AGBL1: variants seen among roughly 807,000 people sequenced by gnomAD.
AGBL1 encodes cytosolic carboxypeptidase 4.
Under a neutral mutation model 118.9 loss-of-function variants are expected in AGBL1, and 130 were observed. The observed-to-expected ratio is 1.09, with a 90% CI of 0.95 to 1.26. The LOEUF (loss-of-function observed/expected upper bound fraction) is 1.26, where lower values mean the gene tolerates loss of function less well. Ranked by LOEUF, AGBL1 falls within the 50% of genes most tolerant of loss-of-function variation. The pLI, the probability that AGBL1 is intolerant of heterozygous loss-of-function variation, is 0.00. For synonymous variants in AGBL1, 555 were observed against 478.9 expected (o/e 1.16, Z -2.08); for missense variants, 1,584 against 1,298.1 (o/e 1.22, Z -3.38).
intron 22 of AGBL1, among the ~76,000 whole-genome samples, chr15:86,901,248 GC>G (rs2080208270): frequency 1.3e-5 from 2 of 152,056 alleles, no homozygotes; most frequent in Admixed American, 1.3e-4. Flanking sequence ...GAGTTCAATT[GC>G]CTTTGGTGTC....
intron 6 of AGBL1, among the ~76,000 whole-genome samples, chr15:86,246,883 C>G (rs890534686): frequency 1.4e-5 from 2 of 140,650 alleles, no homozygotes; most frequent in South Asian, 5.2e-4. Flanking sequence ...ATAGTCAGCT[C>G]AACCCAAATG....
intron 18 of AGBL1, among the ~76,000 whole-genome samples, chr15:86,484,336 G>A (rs2082688503): frequency 6.6e-6 from 1 of 152,004 alleles, no homozygotes; most frequent in Non-Finnish European, 1.5e-5. Context: ...CACAGAGGAG[G>A]GCAGCGAATC....
intron 17 of AGBL1, among the ~76,000 whole-genome samples, chr15:86,348,501 C>T (rs2080574465): frequency 6.6e-6 from 1 of 152,182 alleles, no homozygotes; most frequent in Non-Finnish European, 1.5e-5. Context: ...GGAGGAGGGC[C>T]AGGCGCCGTG....
At chr15:86,116,657 A>G (rs1422551202) in intron 1 of AGBL1, 4 of 152,212 alleles carry the variant, frequency 2.6e-5, no homozygotes, top group Non-Finnish European at 5.9e-5. Flanking sequence ...CCTTCACACT[A>G]TGGGACTTAC....
chr15:86,265,317 A>G (rs879434102), intron 11 of AGBL1, among the ~76,000 whole-genome samples: 6 of 152,154 alleles, frequency 3.9e-5, no homozygotes, highest in Non-Finnish European at 8.8e-5. Flanking sequence ...CTTAGTTAGG[A>G]GAATAGTTTT....
Position 86,467,173 on chromosome 15 carries a change from G to A in AGBL1, c.2556-55637G>A, listed in dbSNP as rs145649915. Among the ~76,000 whole-genome samples the A allele has an allele frequency of 2.8e-3, 422 of 152,298 alleles. 2 individuals carry two copies. The highest frequency in any genetic ancestry group is 9.5e-3 in the African/African-American group (395 of 41,574). ...CTTTCTTTCAGAGAGGCCCTGCCCC[G>A]AGAGGAGGAATCTAGAGATGCAGTC... On this transcript the variant is annotated intron_variant, in intron 18 of 22. Transcript: ENST00000614907.
intron 22 of AGBL1, among the ~76,000 whole-genome samples, chr15:86,851,621 C>T (rs564078827): frequency 1.3e-5 from 2 of 152,258 alleles, no homozygotes; most frequent in African/African-American, 4.8e-5. Flanking sequence ...TCATGAAACC[C>T]GCAAATTCTT....
At chr15:86,149,972 C>A (rs1278921686) in intron 3 of AGBL1, among the ~76,000 whole-genome samples, 1 of 152,208 alleles carries the variant, frequency 6.6e-6, no homozygotes, top group African/African-American at 2.4e-5. Flanking sequence ...GATTAAGAAA[C>A]TCACTCAAAA....
At chr15:86,334,546 T>C (rs1226616154) in intron 17 of AGBL1, among the ~76,000 whole-genome samples, 1 of 152,212 alleles carries the variant, frequency 6.6e-6, no homozygotes, top group Non-Finnish European at 1.5e-5. Context: ...TCCATGGTCA[T>C]GGATTGGAAG....
intron 5 of AGBL1, among the ~76,000 whole-genome samples, chr15:86,207,946 G>T (rs190301858): frequency 1.3e-5 from 2 of 152,230 alleles, no homozygotes; most frequent in South Asian, 2.1e-4. Flanking sequence ...TATTGGCTGA[G>T]GGTTTGTCAT....
intron 18 of AGBL1, among the ~76,000 whole-genome samples, chr15:86,440,161 A>G (rs1260665977): frequency 1.3e-5 from 2 of 152,220 alleles, no homozygotes; most frequent in Non-Finnish European, 2.9e-5. Context: ...AATAATAATG[A>G]AAGAAAAAGA....
At chr15:86,667,062 T>C (rs570101662) in intron 21 of AGBL1, among the ~76,000 whole-genome samples, 1 of 152,182 alleles carries the variant, frequency 6.6e-6, no homozygotes, top group East Asian at 1.9e-4. Context: ...TATCTTGATA[T>C]GTTAGGTATG....
At chr15:86,217,678 G>C (rs191326573) in intron 5 of AGBL1, among the ~76,000 whole-genome samples, 1 of 152,216 alleles carries the variant, frequency 6.6e-6, no homozygotes, top group Non-Finnish European at 1.5e-5. Context: ...TTAGGCTGCA[G>C]CATTAGCAAG....
chr15:86,322,514 C>G (rs2080119729), intron 17 of AGBL1, among the ~76,000 whole-genome samples: 1 of 151,980 alleles, frequency 6.6e-6, no homozygotes, highest in African/African-American at 2.4e-5. Context: ...AATCTATTTC[C>G]AATTAGATTA....
At chr15:86,336,727 C>G (rs941206132) in intron 17 of AGBL1, among the ~76,000 whole-genome samples, 13 of 152,220 alleles carry the variant, frequency 8.5e-5, no homozygotes, top group Admixed American at 2.6e-4. Flanking sequence ...CTTATGGACA[C>G]AAACCTATCC....
chr15:86,808,509 T>C (rs952197052), intron 22 of AGBL1, among the ~76,000 whole-genome samples: 2 of 152,170 alleles, frequency 1.3e-5, no homozygotes, highest in East Asian at 1.9e-4. Context: ...TCTGCTAAGA[T>C]GAAAAACTGA....
intron 3 of AGBL1, among the ~76,000 whole-genome samples, chr15:86,147,875 G>A (rs1447013770): frequency 6.6e-6 from 1 of 152,166 alleles, no homozygotes; most frequent in Non-Finnish European, 1.5e-5. Context: ...GACACCTCAT[G>A]TAGGCAGCTG....
chr15:86,729,629 T>C (rs2077501864), intron 22 of AGBL1, among the ~76,000 whole-genome samples: 11 of 152,234 alleles, frequency 7.2e-5, no homozygotes, highest in Admixed American at 7.2e-4. Flanking sequence ...TATGGCTGCA[T>C]AGTATTCCCT....
At chr15:86,362,644 A>G (rs1236532322) in intron 17 of AGBL1, among the ~76,000 whole-genome samples, 1 of 152,160 alleles carries the variant, frequency 6.6e-6, no homozygotes, top group Non-Finnish European at 1.5e-5. Flanking sequence ...TTAAGTCTCC[A>G]TAGCTGAGAC....
Sources: gnomAD v4.1 joint callset for allele counts (sites outside exome capture counted in the v4.1 genomes callset) on GRCh38, gnomAD v4.1.1 for gene constraint, MANE v1.5 for transcripts, NCBI Gene and HGNC (gene_info 2026-07-23, HGNC 2026-07-21) for gene names.